Variants in AGMO observed in about 807,000 individuals in gnomAD.
AGMO encodes the protein glyceryl-ether monooxygenase.
In AGMO, 75 loss-of-function variants were observed where a neutral mutation model predicts 60.2. The observed-to-expected ratio is 1.25, with a 90% CI of 1.03 to 1.51. The LOEUF (loss-of-function observed/expected upper bound fraction) is 1.51, where lower values mean the gene tolerates loss of function less well. Ranked by LOEUF, AGMO falls within the 40% of genes most tolerant of loss-of-function variation. The pLI is 0.00. For synonymous variants in AGMO, 261 were observed against 177.1 expected (o/e 1.47, Z -3.76); for missense variants, 763 against 525.5 (o/e 1.45, Z -4.42).
At chr7:15,255,238 A>C (rs996095489) in intron 12 of AGMO, among the ~76,000 whole-genome samples, 55 of 152,220 alleles carry the variant, frequency 3.6e-4, no homozygotes, top group African/African-American at 1.3e-3. Context: ...GGAAGGGATA[A>C]CATTAGGAGA....
chr7:15,385,819 G>A (rs1228378274), intron 9 of AGMO, among the ~76,000 whole-genome samples: 1 of 152,160 alleles, frequency 6.6e-6, no homozygotes, highest in Non-Finnish European at 1.5e-5. Context: ...GAGCCAAAAT[G>A]CATGGGATGT....
the AGMO span, among the ~76,000 whole-genome samples, chr7:15,188,121 G>A: frequency 6.6e-6 from 1 of 152,222 alleles, no homozygotes; most frequent in African/African-American, 2.4e-5. Flanking sequence ...GACTGGTATG[G>A]GTCAAACAGA....
chr7:15,225,635 A>G (rs1005551296), intron 12 of AGMO, among the ~76,000 whole-genome samples: 1 of 151,978 alleles, frequency 6.6e-6, no homozygotes, highest in Non-Finnish European at 1.5e-5. Flanking sequence ...CTTAAGTTGA[A>G]TATTTTTTTA....
At chr7:15,352,261 T>C (rs546690085) in intron 12 of AGMO, among the ~76,000 whole-genome samples, 50 of 152,268 alleles carry the variant, frequency 3.3e-4, no homozygotes, top group African/African-American at 1.2e-3. Flanking sequence ...GCATATAAGA[T>C]GGCCTCCCTA....
intron 12 of AGMO, among the ~76,000 whole-genome samples, chr7:15,350,109 C>T (rs1253434499): frequency 6.6e-6 from 1 of 152,106 alleles, no homozygotes; most frequent in African/African-American, 2.4e-5. Context: ...AATGTTAATT[C>T]ATAATAACTG....
At chr7:15,505,706 A>G (rs10256413) in intron 3 of AGMO, among the ~76,000 whole-genome samples, 123,887 of 151,930 alleles carry the variant, frequency 0.82, 50,732 homozygotes, top group East Asian at 0.97. Flanking sequence ...TTAAATTCCC[A>G]TGCAGACATA....
chr7:15,279,859 G>A (rs1488103616), intron 12 of AGMO, among the ~76,000 whole-genome samples: 1 of 152,150 alleles, frequency 6.6e-6, no homozygotes, highest in Non-Finnish European at 1.5e-5. Context: ...GAGAGCACTG[G>A]GGAATATCAA....
At chr7:15,342,098 C>T (rs1478237000) in intron 12 of AGMO, among the ~76,000 whole-genome samples, 1 of 136,514 alleles carries the variant, frequency 7.3e-6, no homozygotes, top group Non-Finnish European at 1.5e-5. Context: ...TCATAGGATG[C>T]ATTTAGAAAG....
At chr7:15,159,941 T>A in the AGMO span, among the ~76,000 whole-genome samples, 1 of 152,196 alleles carries the variant, frequency 6.6e-6, no homozygotes, top group Non-Finnish European at 1.5e-5. Flanking sequence ...CAGAACATGC[T>A]TAAACTTGTT....
At chr7:15,345,751 G>C (rs955334221) in intron 12 of AGMO, among the ~76,000 whole-genome samples, 2 of 152,104 alleles carry the variant, frequency 1.3e-5, no homozygotes, top group African/African-American at 4.8e-5. Flanking sequence ...ATTATCTGCA[G>C]AAAGCTTGAT....
At position 15,322,526 on chromosome 7, in the gene AGMO, AAATATATAAATATATATATAAATATATAT is replaced by A. The variant is rs1781156574; in HGVS notation, c.1263+42959_1263+42987del. On this transcript the variant is annotated intron_variant, in intron 12 of 12. Transcript: ENST00000342526. ...TATAAATATATATATAAATATATATAAATATATAAATATATATATAAATATATATAAATATATAAATATATATAAATATA... is the reference window on the plus strand; with the variant it reads ...TATAAATATATATATAAATATATATAAAATATATAAATATATATAAATATA... Among the ~76,000 whole-genome samples the A allele has an allele frequency of 2.5e-5, 2 of 80,886 alleles. 1 individual carries two copies. Among genetic ancestry groups the A allele is most frequent in the South Asian group, 7.6e-4 (2 of 2,638 alleles). The allele number at this position is 80,886 out of a possible 152,430, so 53.1% of individuals were successfully genotyped here.
At chr7:15,263,982 G>C (rs1423514067) in intron 12 of AGMO, among the ~76,000 whole-genome samples, 2 of 151,802 alleles carry the variant, frequency 1.3e-5, no homozygotes, top group African/African-American at 4.8e-5. Flanking sequence ...TGGTTGATGG[G>C]TGCACCAAAA....
chr7:15,354,417 TGTATAC>T lies in AGMO; in HGVS notation c.1263+11091_1263+11096del, dbSNP rs1463594523. ...ATACACGTGTGTGTACACACGTGTG[TGTATAC>T]ACACACGTGTGTGTATACACACGTG... On this transcript the variant is annotated intron_variant, in intron 12 of 12. Coordinates refer to ENST00000342526, the MANE Select transcript of AGMO (RefSeq NM_001004320.2). Among the ~76,000 whole-genome samples, 22 of 23,698 alleles carry T rather than the reference TGTATAC, an allele frequency of 9.3e-4. 1 individual carries two copies. The highest frequency in any genetic ancestry group is 2.2e-3 in the South Asian group (1 of 452). 15.5% of individuals were successfully genotyped at this position (23,698 alleles called of 152,430 possible). A position where few individuals can be genotyped will look rare whatever the true frequency, so the allele number is the denominator to read the frequency against.
At chr7:15,394,878 A>C (rs546092700) in intron 5 of AGMO, among the ~76,000 whole-genome samples, 2 of 152,288 alleles carry the variant, frequency 1.3e-5, no homozygotes, top group South Asian at 4.1e-4. Context: ...AATATATAAA[A>C]AGGCCTTTTT....
At chr7:15,260,128 A>G (rs1021651327) in intron 12 of AGMO, among the ~76,000 whole-genome samples, 1 of 151,572 alleles carries the variant, frequency 6.6e-6, no homozygotes, top group Non-Finnish European at 1.5e-5. Context: ...TGCTCCATTT[A>G]AAAGATACAG....
chr7:15,297,486 A>G (rs1033202315), intron 12 of AGMO, among the ~76,000 whole-genome samples: 3 of 152,208 alleles, frequency 2.0e-5, no homozygotes, highest in Non-Finnish European at 1.5e-5. Flanking sequence ...GTGCTTGCCA[A>G]AACATGCAGA....
Position 15,529,748 on chromosome 7 carries a change from A to T in AGMO, c.409+15024T>A, listed in dbSNP as rs1392614156. ...TACTCTATATATATTCTATATATAT[A>T]TTTCTATATATATATTTCTCTATAT... On this transcript the variant is annotated intron_variant, in intron 3 of 12. Coordinates refer to ENST00000342526, the MANE Select transcript of AGMO (RefSeq NM_001004320.2). Among the ~76,000 whole-genome samples the T allele has an allele frequency of 1.8e-5, 2 of 112,614 alleles. 1 individual carries two copies. Among genetic ancestry groups the T allele is most frequent in the African/African-American group, 7.1e-5 (2 of 28,172 alleles). The allele number at this position is 112,614 out of a possible 152,430, so 73.9% of individuals were successfully genotyped here.
intron 12 of AGMO, among the ~76,000 whole-genome samples, chr7:15,258,848 A>G (rs1388096347): frequency 6.6e-6 from 1 of 152,176 alleles, no homozygotes; most frequent in Admixed American, 6.5e-5. Flanking sequence ...TTTGGCTCTC[A>G]GGAAGCCTAT....
chr7:15,512,732 A>G (rs1000697637), intron 3 of AGMO, among the ~76,000 whole-genome samples: 7 of 152,118 alleles, frequency 4.6e-5, no homozygotes, highest in Non-Finnish European at 8.8e-5. Context: ...ATTTCAATGT[A>G]TTTTTATTTC....
Sources: allele counts gnomAD v4.1 joint callset (sites outside exome capture counted in the v4.1 genomes callset), GRCh38; gene constraint gnomAD v4.1.1; transcripts MANE v1.5; gene names NCBI Gene and HGNC (gene_info 2026-07-23, HGNC 2026-07-21).